PRDM16: variants seen among roughly 807,000 people sequenced by gnomAD.
PRDM16 encodes the protein histone-lysine N-methyltransferase PRDM16.
Under a neutral mutation model 110.6 loss-of-function variants are expected in PRDM16, and 23 were observed. The observed-to-expected ratio is 0.21, with a 90% CI of 0.15 to 0.29. The LOEUF is 0.29. Ranked by LOEUF, PRDM16 falls within the 10% of genes least tolerant of loss-of-function variation. The probability of loss-of-function intolerance (pLI) is 1.00; values close to 1 mark genes in which losing one functional copy is unlikely to be tolerated. For synonymous variants in PRDM16, 799 were observed against 781.8 expected, an observed-to-expected ratio of 1.02 and a Z score of -0.37; for missense variants, 1,615 against 1,794.3, an observed-to-expected ratio of 0.90 and a Z score of 1.81.
chr1:3,280,116 G>A (rs16823027), intron 3 of PRDM16, among the ~76,000 whole-genome samples: 33,205 of 152,112 alleles, frequency 0.22, 4,680 homozygotes, highest in African/African-American at 0.38. Context: ...CTGTGTGGAA[G>A]CCAGTTATGG....
intron 3 of PRDM16, among the ~76,000 whole-genome samples, chr1:3,316,118 A>G (rs1324326479): frequency 1.7e-5 from 2 of 118,804 alleles, no homozygotes; most frequent in African/African-American, 3.2e-5. Context: ...CGTTTCAGGC[A>G]GGAATCGTCT....
chr1:3,117,530 G>C (rs549229979), intron 1 of PRDM16, among the ~76,000 whole-genome samples: 5 of 152,092 alleles, frequency 3.3e-5, no homozygotes. Flanking sequence ...TGGCTACCAC[G>C]CAGGCCTCGC....
At chr1:3,125,786 C>T (rs563319992) in intron 1 of PRDM16, among the ~76,000 whole-genome samples, 10 of 152,322 alleles carry the variant, frequency 6.6e-5, no homozygotes, top group African/African-American at 2.4e-4. Context: ...CCCCTCGGAG[C>T]GGAGCGCGGC....
At chr1:3,319,981 GGCTACA>G in intron 3 of PRDM16, among the ~76,000 whole-genome samples, 1 of 152,288 alleles carries the variant, frequency 6.6e-6, no homozygotes, top group Middle Eastern at 3.4e-3. Context: ...GCCAGCCATT[GGCTACA>G]CATGGTGGGT....
chr1:3,187,298 C>A (rs1644281500), intron 2 of PRDM16, among the ~76,000 whole-genome samples: 1 of 152,224 alleles, frequency 6.6e-6, no homozygotes, highest in African/African-American at 2.4e-5. Context: ...GTATTTTTGG[C>A]AGGGCCCCTG....
At chr1:3,170,370 C>A (rs71503051) in intron 1 of PRDM16, among the ~76,000 whole-genome samples, 9,498 of 152,282 alleles carry the variant, frequency 0.062, 318 homozygotes, top group Admixed American at 0.077. Flanking sequence ...GATGGGAGCA[C>A]CTTCAGGCTG....
chr1:3,160,334 G>C (rs549995439), intron 1 of PRDM16, among the ~76,000 whole-genome samples: 1 of 152,222 alleles, frequency 6.6e-6, no homozygotes, highest in Admixed American at 6.5e-5. Flanking sequence ...CCCCACACCT[G>C]GTGTGCTGGG....
chr1:3,228,760 G>T (rs76543382), intron 2 of PRDM16, among the ~76,000 whole-genome samples: 1 of 152,086 alleles, frequency 6.6e-6, no homozygotes, highest in Admixed American at 6.5e-5. Flanking sequence ...CCCTCTGCCC[G>T]TCCACCTGCA....
chr1:3,411,048 G>A (rs1281922324), intron 8 of PRDM16, among the ~76,000 whole-genome samples: 1 of 148,662 alleles, frequency 6.7e-6, no homozygotes, highest in Non-Finnish European at 1.5e-5. Context: ...TGGGGCGCAT[G>A]CACACACACA....
chr1:3,188,908 C>T (rs1341558527), intron 2 of PRDM16, among the ~76,000 whole-genome samples: 1 of 152,208 alleles, frequency 6.6e-6, no homozygotes, highest in Non-Finnish European at 1.5e-5. Context: ...GGAGGTTTCT[C>T]CCCACCTCCA....
intron 3 of PRDM16, among the ~76,000 whole-genome samples, chr1:3,268,249 C>T (rs891588773): frequency 6.6e-6 from 1 of 152,188 alleles, no homozygotes; most frequent in African/African-American, 2.4e-5. Context: ...TGTTTGTCTC[C>T]GCTAATCCAC....
chr1:3,313,269 C>T (rs1046123931), intron 3 of PRDM16, among the ~76,000 whole-genome samples: 2 of 152,228 alleles, frequency 1.3e-5, no homozygotes, highest in African/African-American at 2.4e-5. Context: ...TATGAAATGC[C>T]GCGGAGCTGG....
intron 1 of PRDM16, among the ~76,000 whole-genome samples, chr1:3,088,849 G>A (rs1000443271): frequency 5.3e-5 from 8 of 151,356 alleles, no homozygotes; most frequent in African/African-American, 1.9e-4. Context: ...GTGCAATGGC[G>A]CAATCTCACT....
At chr1:3,197,952 G>A (rs1353085974) in intron 2 of PRDM16, among the ~76,000 whole-genome samples, 1 of 152,216 alleles carries the variant, frequency 6.6e-6, no homozygotes, top group South Asian at 2.1e-4. Context: ...AGCTTCTCCT[G>A]TGGCAGGAAT....
At chr1:3,270,111 C>A (rs1169594332) in intron 3 of PRDM16, among the ~76,000 whole-genome samples, 2 of 148,552 alleles carry the variant, frequency 1.3e-5, no homozygotes, top group Admixed American at 6.7e-5. Context: ...GGATGACAGT[C>A]GGAGAGGAGG....
In PRDM16 at chr1:3,231,403, G is replaced by A. The variant is rs567489212; in HGVS notation, c.388-12684G>A. 7.3e-5 allele frequency among the ~76,000 whole-genome samples: 11 copies of A among 150,612 alleles called. No homozygotes were observed. The South Asian group carries it at 1.0e-3, about 14-fold the overall frequency. On this transcript the variant is annotated intron_variant, in intron 2 of 16. Coordinates refer to ENST00000270722, the MANE Select transcript of PRDM16 (RefSeq NM_022114.4). ...GTCGTCATGGACAGCGGTCAAGGCC[G>A]TCTCCCCTTCTCCGTCGTCAGGGAC... is the stretch of plus-strand genomic sequence containing the variant.
At chr1:3,319,827 C>A (rs1641699593) in intron 3 of PRDM16, among the ~76,000 whole-genome samples, 1 of 152,216 alleles carries the variant, frequency 6.6e-6, no homozygotes, top group Non-Finnish European at 1.5e-5. Context: ...ATGGCTTTAG[C>A]CGGCTTCCCC....
intron 1 of PRDM16, among the ~76,000 whole-genome samples, chr1:3,181,677 C>CGGTCTTACACAT (rs1644197839): frequency 5.4e-5 from 5 of 92,918 alleles, no homozygotes; most frequent in Admixed American, 2.3e-4. Context: ...GTCTTACACG[C>CGGTCTTACACAT]GCAGTCTTAC....
At position 3,190,612 on chromosome 1, in the gene PRDM16, C is replaced by T. The variant is rs1638279429; in HGVS notation, c.387+4138C>T. Reference sequence around the variant, plus strand: ...GGGTGTGTGGAAACGGCCCCCTGGGCTTCATCTCAGGGAGGGGGCTTGTCA... The same window carrying T: ...GGGTGTGTGGAAACGGCCCCCTGGGTTTCATCTCAGGGAGGGGGCTTGTCA... On this transcript the variant is annotated intron_variant, in intron 2 of 16. Transcript: ENST00000270722. This position sits in a 1 kb window ranked among gnomAD's most constrained non-coding sequence, Gnocchi z 5.0. Among the ~76,000 whole-genome samples the T allele has an allele frequency of 6.6e-6, 1 of 152,050 alleles. No individual in the cohort carries two copies. Among genetic ancestry groups the T allele is most frequent in the African/African-American group, 2.4e-5 (1 of 41,420 alleles).
Sources: allele counts gnomAD v4.1 joint callset (sites outside exome capture counted in the v4.1 genomes callset), GRCh38; gene constraint gnomAD v4.1.1; non-coding constraint Gnocchi (gnomAD v3.1); transcripts MANE v1.5; gene names NCBI Gene and HGNC (gene_info 2026-07-23, HGNC 2026-07-21).